Variants in NT5M observed in about 807,000 individuals in gnomAD.
NT5M encodes the protein 5',3'-nucleotidase, mitochondrial.
In NT5M, 22 loss-of-function variants were observed where a neutral mutation model predicts 22.2. The observed-to-expected ratio is 0.99, with a 90% CI of 0.71 to 1.41. The LOEUF (loss-of-function observed/expected upper bound fraction) is 1.41. NT5M is among the 40% of genes most tolerant of loss of function. The pLI is 0.00. For synonymous variants in NT5M, 167 were observed against 133.0 expected (o/e 1.26, Z -1.76); for missense variants, 322 against 314.8 (o/e 1.02, Z -0.17).
chr17:17,318,767 A>G (rs1207531335), intron 2 of NT5M, among the ~76,000 whole-genome samples: 2 of 141,750 alleles, frequency 1.4e-5, no homozygotes, highest in Non-Finnish European at 3.0e-5. Context: ...CCTGGGCAAC[A>G]AGAGCAGAAC....
rs1597782374 is a variant in NT5M at position 17,327,816 on chromosome 17, A to G, written c.429+4571A>G. 2.0e-5 allele frequency among the ~76,000 whole-genome samples: 2 copies of G among 102,520 alleles called. 1 individual carries two copies. Among genetic ancestry groups the G allele is most frequent in the Non-Finnish European group, 4.2e-5 (2 of 47,278 alleles). 67.3% of individuals were successfully genotyped at this position (102,520 alleles called of 152,430 possible). On this transcript the variant is annotated intron_variant, in intron 3 of 4. Coordinates refer to ENST00000389022, the MANE Select transcript of NT5M (RefSeq NM_020201.4). ...AGGCGTGAGCCACCACGCCCGGCCA[A>G]TTTTTTTGTATTTTTAATAGAGATG...
intron 2 of NT5M, among the ~76,000 whole-genome samples, chr17:17,322,824 G>T (rs2049178930): frequency 2.0e-5 from 3 of 152,234 alleles, no homozygotes; most frequent in Admixed American, 2.0e-4. Flanking sequence ...TCACTGCAGG[G>T]CTTAGCCTGG....
chr17:17,329,818 A>C (rs2049338921), intron 3 of NT5M, among the ~76,000 whole-genome samples: 1 of 151,824 alleles, frequency 6.6e-6, no homozygotes, highest in East Asian at 1.9e-4. Flanking sequence ...TGTACTAAAA[A>C]AAAATTAGCC....
intron 3 of NT5M, among the ~76,000 whole-genome samples, chr17:17,326,356 C>G (rs1044072005): frequency 6.6e-6 from 1 of 152,228 alleles, no homozygotes; most frequent in African/African-American, 2.4e-5. Context: ...CAGTGTGTTC[C>G]CCTGGAGGTA....
intron 2 of NT5M, among the ~76,000 whole-genome samples, chr17:17,322,920 C>T (rs1298111316): frequency 1.3e-5 from 2 of 152,182 alleles, no homozygotes; most frequent in African/African-American, 4.8e-5. Flanking sequence ...CTTGACTTAC[C>T]ACTCTGCATT....
Position 17,344,888 on chromosome 17 carries a change from A to G in NT5M, c.524A>G (p.Asp175Gly). 1 of 1,614,146 alleles carries G rather than the reference A, an allele frequency of 6.2e-7. No individual in the cohort carries two copies. Among genetic ancestry groups the G allele is most frequent in the Non-Finnish European group, 8.5e-7 (1 of 1,180,000 alleles). ...KTVVSADLLI[D>G]DRPDITGAEP... Reference sequence around the variant, plus strand: ...GTGGTCTCTGCTGACCTTCTCATAGACGACCGGCCGGACATCACAGGCAAG... The same window carrying G: ...GTGGTCTCTGCTGACCTTCTCATAGGCGACCGGCCGGACATCACAGGCAAG... The change falls in exon 4 of 5, where the codon GAC (aspartate) becomes GGC (glycine). Residue 175 changes from aspartate to glycine, a missense_variant. By Grantham distance (94) the Asp-to-Gly change is moderately conservative. Transcript: ENST00000389022.
chr17:17,322,880 C>A (rs544805959), intron 2 of NT5M, among the ~76,000 whole-genome samples: 25 of 152,334 alleles, frequency 1.6e-4, no homozygotes, highest in Non-Finnish European at 4.4e-5. Flanking sequence ...AGGGGACTTG[C>A]ATGCCAGAAT....
chr17:17,343,459 C>G (rs1304133624), intron 3 of NT5M, among the ~76,000 whole-genome samples: 1 of 152,220 alleles, frequency 6.6e-6, no homozygotes, highest in African/African-American at 2.4e-5. Context: ...AGATCCGGCC[C>G]TTTTCCCACG....
intron 3 of NT5M, among the ~76,000 whole-genome samples, chr17:17,332,753 A>G (rs1413913781): frequency 6.6e-6 from 1 of 152,156 alleles, no homozygotes; most frequent in Non-Finnish European, 1.5e-5. Context: ...CAGTGTGCAC[A>G]TTATTATAGC....
intron 2 of NT5M, among the ~76,000 whole-genome samples, chr17:17,317,962 CAAAAA>C (rs35320589): frequency 2.7e-5 from 2 of 74,076 alleles, no homozygotes; most frequent in African/African-American, 1.2e-4. Context: ...ACTCCATGAT[CAAAAA>C]AAAAAAAAAA....
At chr17:17,323,274 C>T in intron 3 of NT5M, 29 bp downstream of exon 3, 1 of 1,595,742 alleles carries the variant, frequency 6.3e-7, no homozygotes, top group Non-Finnish European at 8.6e-7. Flanking sequence ...CAGCTGAGCC[C>T]TTACCCCATG....
chr17:17,337,315 C>G (rs921313183), intron 3 of NT5M, among the ~76,000 whole-genome samples: 4 of 152,134 alleles, frequency 2.6e-5, no homozygotes, highest in African/African-American at 9.7e-5. Context: ...GAAAATAGCT[C>G]ACTGTAGCCT....
chr17:17,345,099 G>T, intron 4 of NT5M, 191 bp downstream of exon 4: 1 of 612,910 alleles, frequency 1.6e-6, no homozygotes. Context: ...CCTGGGAGCT[G>T]GGAGGAGTGG....
intron 4 of NT5M, chr17:17,345,357 A>G (rs1291538921): frequency 2.5e-6 from 2 of 792,060 alleles, no homozygotes; most frequent in Non-Finnish European, 3.1e-6. Context: ...CAAACAAGCC[A>G]GTCAACCTTG....
At chr17:17,320,791 G>A (rs1043402426) in intron 2 of NT5M, among the ~76,000 whole-genome samples, 2 of 152,196 alleles carry the variant, frequency 1.3e-5, no homozygotes, top group African/African-American at 4.8e-5. Flanking sequence ...TGGCTGGCGA[G>A]GATCAGGAGG....
At chr17:17,330,156 C>T (rs1041659784) in intron 3 of NT5M, among the ~76,000 whole-genome samples, 7 of 151,676 alleles carry the variant, frequency 4.6e-5, no homozygotes, top group East Asian at 2.0e-4. Flanking sequence ...AAAAATTAGC[C>T]GAGCGTTGTG....
intron 1 of NT5M, chr17:17,304,353 T>C (rs947844313): frequency 3.2e-5 from 31 of 975,958 alleles, no homozygotes; most frequent in Non-Finnish European, 3.8e-5. Context: ...TCATGTCTTA[T>C]CCCCTTGCAG....
intron 3 of NT5M, among the ~76,000 whole-genome samples, chr17:17,334,963 A>G (rs2049473112): frequency 6.6e-6 from 1 of 152,184 alleles, no homozygotes; most frequent in Non-Finnish European, 1.5e-5. Flanking sequence ...GCTTAACAAT[A>G]TTGGGTCTTC....
At chr17:17,335,550 G>T (rs772687174) in intron 3 of NT5M, among the ~76,000 whole-genome samples, 6 of 152,126 alleles carry the variant, frequency 3.9e-5, no homozygotes, top group Non-Finnish European at 7.3e-5. Context: ...ACACATCAGG[G>T]CAGATGGGGT....
Sources: allele counts gnomAD v4.1 joint callset (sites outside exome capture counted in the v4.1 genomes callset), GRCh38; gene constraint gnomAD v4.1.1; transcripts MANE v1.5; gene names NCBI Gene and HGNC (gene_info 2026-07-23, HGNC 2026-07-21).